Variants in TENM2 observed in about 807,000 individuals in gnomAD.
The protein encoded by TENM2 is teneurin transmembrane protein 2.
TENM2 carries 52 observed loss-of-function variants against 245.2 expected under a neutral mutation model. The ratio of observed to expected loss-of-function variants is 0.21; its 90% CI spans 0.17 to 0.27. The LOEUF is 0.27. TENM2 is among the 10% of genes least tolerant of loss of function. The probability of loss-of-function intolerance (pLI) is 1.00; values close to 1 mark genes in which losing one functional copy is unlikely to be tolerated. For synonymous variants in TENM2, 1,363 were observed against 1,438.9 expected (o/e 0.95, Z 1.19); for missense variants, 3,046 against 3,666.8 (o/e 0.83, Z 4.37).
chr5:167,013,024 G>T, the TENM2 span, among the ~76,000 whole-genome samples: 1 of 152,158 alleles, frequency 6.6e-6, no homozygotes, highest in Non-Finnish European at 1.5e-5. Flanking sequence ...TAAAGATATG[G>T]GCAGGGGCCA....
chr5:167,854,775 C>T (rs898213941), intron 2 of TENM2, among the ~76,000 whole-genome samples: 3 of 152,106 alleles, frequency 2.0e-5, no homozygotes, highest in South Asian at 2.1e-4. Context: ...ATTCATGAAC[C>T]ATTTTGGGTT....
chr5:167,331,142 A>G (rs1757433841), intron 1 of TENM2, among the ~76,000 whole-genome samples: 1 of 149,386 alleles, frequency 6.7e-6, no homozygotes, highest in South Asian at 2.2e-4. Context: ...AGGCTGAGGC[A>G]GGAGAATCAC....
chr5:167,412,304 AAG>A (rs752356002), intron 2 of TENM2, among the ~76,000 whole-genome samples: 12 of 104,138 alleles, frequency 1.2e-4, no homozygotes, highest in Non-Finnish European at 2.5e-4. Flanking sequence ...CTGAGGAGAA[AAG>A]AGAGGGACTT....
chr5:167,585,375 G>C (rs1157844476), intron 2 of TENM2, among the ~76,000 whole-genome samples: 2 of 152,190 alleles, frequency 1.3e-5, no homozygotes, highest in African/African-American at 2.4e-5. Flanking sequence ...TTGAACCTTG[G>C]ATATCAGAAC....
intron 5 of TENM2, among the ~76,000 whole-genome samples, chr5:168,038,686 G>A (rs1331242595): frequency 2.0e-5 from 3 of 152,216 alleles, no homozygotes; most frequent in African/African-American, 7.2e-5. Context: ...GCATAGTTGT[G>A]CAGAAATGTG....
chr5:167,648,026 G>C lies in TENM2; in HGVS notation c.503-227960G>C, dbSNP rs544415417. On this transcript the variant is annotated intron_variant, in intron 2 of 28. Transcript: ENST00000518659. ...AAAAGCAATCCTCAGGACTTGCTAC[G>C]ATGTATCCCTATGTGCAAATACCTT... is the stretch of plus-strand genomic sequence containing the variant. Among the ~76,000 whole-genome samples the C allele has an allele frequency of 3.1e-4, 47 of 152,308 alleles. 1 individual carries two copies. Among genetic ancestry groups the C allele is most frequent in the Admixed American group, 2.7e-3 (41 of 15,298 alleles).
rs566180009 is a variant in TENM2, at chr5:167,712,043, C to A, written c.503-163943C>A. 9.2e-5 allele frequency among the ~76,000 whole-genome samples: 14 copies of A among 152,278 alleles called. No individual in the cohort carries two copies. In the South Asian group the frequency reaches 2.3e-3, roughly 25 times the overall value. On this transcript the variant is annotated intron_variant, in intron 2 of 28. Transcript: ENST00000518659. ...CTGTCTTTGTTAGCAGAGCATTCAT[C>A]ATCCTAAAATAAACTATGAGAAGGG...
At chr5:168,077,153 T>C (rs2152159970) in intron 7 of TENM2, among the ~76,000 whole-genome samples, 1 of 152,326 alleles carries the variant, frequency 6.6e-6, no homozygotes, top group South Asian at 2.1e-4. Context: ...TCATTAAATG[T>C]TAACTCATAG....
intron 1 of TENM2, among the ~76,000 whole-genome samples, chr5:167,368,866 C>G (rs952537575): frequency 6.6e-6 from 1 of 152,082 alleles, no homozygotes; most frequent in African/African-American, 2.4e-5. Flanking sequence ...CTACCATTCC[C>G]CTCAGGTCCT....
chr5:168,152,195 C>T lies in TENM2; in HGVS notation c.2423-10416C>T, dbSNP rs535057142. ...ATGCATGTAGGGGATCTAAAAGTGC[C>T]AGGCACAGAGAAATGTCCCTGTGAG... On this transcript the variant is annotated intron_variant, in intron 12 of 28. Coordinates refer to ENST00000518659, the Ensembl canonical transcript of TENM2. Among the ~76,000 whole-genome samples the T allele has an allele frequency of 1.1e-4, 17 of 152,318 alleles. No individual in the cohort carries two copies. The South Asian group carries it at 3.1e-3, about 28-fold the overall frequency.
chr5:168,169,009 A>G (rs996852106), intron 13 of TENM2, among the ~76,000 whole-genome samples: 1 of 152,184 alleles, frequency 6.6e-6, no homozygotes, highest in African/African-American at 2.4e-5. Context: ...TCCATCTACA[A>G]AGATGGATAA....
chr5:168,043,127 G>A (rs1036866734), intron 5 of TENM2, among the ~76,000 whole-genome samples: 11 of 152,190 alleles, frequency 7.2e-5, no homozygotes, highest in Admixed American at 6.5e-4. Flanking sequence ...AAGGTGGGGC[G>A]GGAGAGGGAA....
chr5:168,237,703 C>G (rs115390190), intron 25 of TENM2, among the ~76,000 whole-genome samples: 1 of 151,808 alleles, frequency 6.6e-6, no homozygotes, highest in African/African-American at 2.4e-5. Context: ...CAGAGGCTTA[C>G]CCTTCTAATG....
At chr5:167,159,730 C>T in the TENM2 span, among the ~76,000 whole-genome samples, 3 of 152,084 alleles carry the variant, frequency 2.0e-5, no homozygotes, top group Admixed American at 6.5e-5. Flanking sequence ...CTGGCCCCGC[C>T]CACAAGAGAA....
intron 5 of TENM2, among the ~76,000 whole-genome samples, chr5:168,029,762 T>C (rs1786947489): frequency 6.6e-6 from 1 of 152,206 alleles, no homozygotes; most frequent in African/African-American, 2.4e-5. Context: ...AATTTCCACC[T>C]TTAGAGTTTA....
chr5:167,709,283 C>G (rs1561694361), intron 2 of TENM2, among the ~76,000 whole-genome samples: 1 of 152,202 alleles, frequency 6.6e-6, no homozygotes. Flanking sequence ...CTAATTTTCT[C>G]ACCAGCACTT....
chr5:168,031,821 G>A (rs2151955974), intron 5 of TENM2, among the ~76,000 whole-genome samples: 1 of 151,592 alleles, frequency 6.6e-6, no homozygotes, highest in South Asian at 2.1e-4. Context: ...GGGAGGAAGG[G>A]AAGGAGGAAG....
chr5:168,030,158 C>CTTTTTTTTTTTTTTTTTTTT (rs540326142), intron 5 of TENM2, among the ~76,000 whole-genome samples: 2 of 65,294 alleles, frequency 3.1e-5, no homozygotes, highest in African/African-American at 7.2e-5. Context: ...GGTTCTGGCT[C>CTTTTTTTTTTTTTTTTTTTT]TTTTTTTTTT....
At chr5:168,191,873 C>T (rs2152512817) in intron 14 of TENM2, among the ~76,000 whole-genome samples, 1 of 152,190 alleles carries the variant, frequency 6.6e-6, no homozygotes, top group East Asian at 1.9e-4. Flanking sequence ...ATTCTACAGC[C>T]TCTTAGAGCT....
Sources: gnomAD v4.1 joint callset for allele counts (sites outside exome capture counted in the v4.1 genomes callset) on GRCh38, gnomAD v4.1.1 for gene constraint, MANE v1.5 for transcripts, NCBI Gene and HGNC (gene_info 2026-07-23, HGNC 2026-07-21) for gene names.